The following CALHM3 variants were observed in gnomAD, a reference collection of about 807,000 sequenced individuals.
The protein encoded by CALHM3 is calcium homeostasis modulator 3.
A neutral mutation model predicts 13.6 loss-of-function variants in CALHM3; 9 were observed. The observed-to-expected ratio is 0.66, with a 90% confidence interval of 0.40 to 1.15. The LOEUF is 1.15. Among genes scored for constraint, CALHM3 ranks in the 50% most tolerant of loss-of-function variants. The pLI, the probability that CALHM3 is intolerant of heterozygous loss-of-function variation, is 0.01. For missense variants in CALHM3, 497 were observed against 463.4 expected (o/e 1.07, Z -0.67); for synonymous variants, 231 against 213.2 (o/e 1.08, Z -0.73).
intron 2 of CALHM3, among the ~76,000 whole-genome samples, chr10:103,474,776 C>T (rs1241204026): frequency 6.6e-6 from 1 of 152,118 alleles, no homozygotes; most frequent in Non-Finnish European, 1.5e-5. Flanking sequence ...TTTATCCAGT[C>T]CTTTGTCATC....
chr10:103,473,734 G>A (rs2033357325), intron 2 of CALHM3, 30 bp from the exon 3 acceptor site: 3 of 1,526,344 alleles, frequency 2.0e-6, no homozygotes, highest in South Asian at 1.2e-5. Flanking sequence ...GAGGTTAGAT[G>A]TGAGTGGGGC....
In CALHM3 at chr10:103,476,475, C is replaced by G; in HGVS notation, c.362G>C (p.Gly121Ala). ...LVWILLALLD[G>A]KCFVCAFSSS... ...GCTGAAGGCACACACGAAGCACTTC[C>G]CGTCAAGGAGGGCCAGCAGGATCCA... Residue 121 changes from glycine (G) to alanine (A), a missense_variant, in exon 2 of 3, where the codon GGG (glycine) becomes GCG (alanine). By Grantham distance (60) the Gly-to-Ala change is moderately conservative (BLOSUM62 0). Coordinates refer to ENST00000369783, the MANE Select transcript of CALHM3 (RefSeq NM_001129742.2). 1 of 1,551,644 alleles carries G rather than the reference C, an allele frequency of 6.4e-7. No homozygotes were observed. Among genetic ancestry groups the G allele is most frequent in the Non-Finnish European group, 8.7e-7 (1 of 1,146,970 alleles).
At chr10:103,474,466 T>C (rs1158421996) in intron 2 of CALHM3, among the ~76,000 whole-genome samples, 1 of 151,502 alleles carries the variant, frequency 6.6e-6, no homozygotes, top group African/African-American at 2.4e-5. Context: ...TATTTATTTA[T>C]ATTTTTTGAG....
In CALHM3 at chr10:103,473,150, C is replaced by A. The variant is rs2033341115; in HGVS notation, c.*63G>T. 1 of 1,287,912 alleles carries A rather than the reference C, an allele frequency of 7.8e-7. No individual in the cohort carries two copies. Among genetic ancestry groups the A allele is most frequent in the Non-Finnish European group, 9.9e-7 (1 of 1,012,594 alleles). 79.8% of individuals were successfully genotyped at this position (1,287,912 alleles called of 1,614,324 possible). On this transcript the variant is annotated 3_prime_UTR_variant, in exon 3 of 3. Coordinates refer to ENST00000369783, the MANE Select transcript of CALHM3 (RefSeq NM_001129742.2). ...GGGGTCCCCACGGCCTGGAAAGACT[C>A]CAGAACTTTGTCAGCGCGGCATTTC...
intron 2 of CALHM3, among the ~76,000 whole-genome samples, chr10:103,474,151 C>T (rs532003114): frequency 2.5e-4 from 38 of 152,324 alleles, no homozygotes; most frequent in African/African-American, 8.4e-4. Flanking sequence ...ATTCAGTCAT[C>T]CGTCCTGCCA....
At position 103,476,505 on chromosome 10, in the gene CALHM3, A is replaced by AG; in HGVS notation, c.331dup (p.Leu111ProfsTer10). 2 of 1,551,580 alleles carry AG rather than the reference A, an allele frequency of 1.3e-6. No homozygotes were observed. Among genetic ancestry groups the AG allele is most frequent in the Non-Finnish European group, 1.7e-6 (2 of 1,146,990 alleles). On this transcript the variant is annotated frameshift_variant, in exon 2 of 3. Coordinates refer to ENST00000369783, the MANE Select transcript of CALHM3 (RefSeq NM_001129742.2). LOFTEE classifies it high-confidence loss of function. ...AAGGAGGGCCAGCAGGATCCAGACC[A>AG]GGGGGGCGGCCAGCGCCCTCTGCAG...
intron 1 of CALHM3, 79 bp downstream of exon 1, chr10:103,478,667 G>A: frequency 3.7e-6 from 5 of 1,368,350 alleles, no homozygotes; most frequent in South Asian, 1.5e-5. Flanking sequence ...GGGTCTGGGG[G>A]TGCACTTGAC....
chr10:103,478,960 G>A lies in CALHM3; in HGVS notation c.73C>T (p.Leu25=). 1 of 1,551,740 alleles carries A rather than the reference G, an allele frequency of 6.4e-7. No individual in the cohort carries two copies. The highest frequency in any genetic ancestry group is 1.4e-5 in the African/African-American group (1 of 73,192). The change falls in exon 1 of 3, where the codon CTG becomes TTG. Residue 25 remains leucine, a synonymous_variant. Coordinates refer to ENST00000369783, the MANE Select transcript of CALHM3 (RefSeq NM_001129742.2). ...AGCTTGACGGTGACCGCAGCCAGCA[G>A]CAGGCAGATGCCATTCATCACCGAC... is the stretch of plus-strand genomic sequence containing the variant. ...SESVMNGICL[L]LAAVTVKLYS...
At chr10:103,477,877 C>G (rs922617571) in intron 1 of CALHM3, among the ~76,000 whole-genome samples, 2 of 152,096 alleles carry the variant, frequency 1.3e-5, no homozygotes, top group Non-Finnish European at 2.9e-5. Flanking sequence ...CTGGCCCCCC[C>G]ACCCAATCTC....
chr10:103,475,857 G>A (rs1180264672), intron 2 of CALHM3, among the ~76,000 whole-genome samples: 1 of 152,160 alleles, frequency 6.6e-6, no homozygotes, highest in African/African-American at 2.4e-5. Flanking sequence ...GGGAAGATCA[G>A]CATCTGGAGA....
chr10:103,475,560 G>A (rs2033378518), intron 2 of CALHM3, among the ~76,000 whole-genome samples: 1 of 152,186 alleles, frequency 6.6e-6, no homozygotes, highest in African/African-American at 2.4e-5. Flanking sequence ...TAGTCCCATG[G>A]CCACGGTCAC....
At chr10:103,477,552 A>G (rs549975218) in intron 1 of CALHM3, among the ~76,000 whole-genome samples, 48 of 152,252 alleles carry the variant, frequency 3.2e-4, no homozygotes, top group African/African-American at 1.2e-3. Flanking sequence ...TGTTCTAGGC[A>G]GTGGTGGCTT....
In CALHM3 at chr10:103,473,169, G is replaced by A; in HGVS notation, c.*44C>T. ...AAGACTCCAGAACTTTGTCAGCGCG[G>A]CATTTCACCTGCGAACACTGCCGCT... On this transcript the variant is annotated 3_prime_UTR_variant, in exon 3 of 3. Transcript: ENST00000369783. 7.7e-7 allele frequency: 1 copy of A among 1,306,130 alleles called. No individual in the cohort carries two copies. Among genetic ancestry groups the A allele is most frequent in the Non-Finnish European group, 9.8e-7 (1 of 1,022,590 alleles). 80.9% of individuals were successfully genotyped at this position (1,306,130 alleles called of 1,614,324 possible).
Position 103,479,102 on chromosome 10 carries a change from T to A in CALHM3, c.-70A>T. ...AGGCTCTGGCCACCTTCCTGGTGTCTGCTGTGCTGGGGACGAGCCTGGGAT... is the reference window on the plus strand; with the variant it reads ...AGGCTCTGGCCACCTTCCTGGTGTCAGCTGTGCTGGGGACGAGCCTGGGAT... On this transcript the variant is annotated 5_prime_UTR_variant, in exon 1 of 3. Coordinates refer to ENST00000369783, the MANE Select transcript of CALHM3 (RefSeq NM_001129742.2). 6.8e-7 allele frequency: 1 copy of A among 1,470,388 alleles called. No homozygotes were observed. Among genetic ancestry groups the A allele is most frequent in the Non-Finnish European group, 9.1e-7 (1 of 1,095,576 alleles). 91.1% of individuals were successfully genotyped at this position (1,470,388 alleles called of 1,614,324 possible). A position where few individuals can be genotyped will look rare whatever the true frequency, so the allele number is the denominator to read the frequency against.
At chr10:103,475,277 T>G (rs942320377) in intron 2 of CALHM3, among the ~76,000 whole-genome samples, 1 of 152,154 alleles carries the variant, frequency 6.6e-6, no homozygotes, top group African/African-American at 2.4e-5. Context: ...TTTATAAAGC[T>G]CTCTCATTTG....
Position 103,473,095 on chromosome 10 carries a change from G to C in CALHM3, c.*118C>G, listed in dbSNP as rs2033340291. ...GCAGAGATTGGGCTACTTTAAAAAG[G>C]AGGCTAACAAGACTTAGGGTGCCTG... On this transcript the variant is annotated 3_prime_UTR_variant, in exon 3 of 3. Transcript: ENST00000369783. 9.1e-7 allele frequency: 1 copy of C among 1,100,714 alleles called. No homozygotes were observed. 68.2% of individuals were successfully genotyped at this position (1,100,714 alleles called of 1,614,324 possible).
intron 2 of CALHM3, among the ~76,000 whole-genome samples, chr10:103,475,156 G>A (rs1198611204): frequency 2.6e-5 from 4 of 152,172 alleles, no homozygotes; most frequent in South Asian, 2.1e-4. Flanking sequence ...GTCTCTTTAA[G>A]GCCCAGCTTG....
intron 2 of CALHM3, among the ~76,000 whole-genome samples, chr10:103,476,021 C>T (rs1444644378): frequency 1.3e-5 from 2 of 152,188 alleles, no homozygotes; most frequent in Non-Finnish European, 2.9e-5. Flanking sequence ...GGTTGTTCCA[C>T]AAAGTAAATG....
At position 103,476,346 on chromosome 10, in the gene CALHM3, C is replaced by T; in HGVS notation, c.491G>A (p.Arg164Lys). 6.4e-7 allele frequency: 1 copy of T among 1,551,690 alleles called. No individual in the cohort carries two copies. The highest frequency in any genetic ancestry group is 8.7e-7 in the Non-Finnish European group (1 of 1,147,010). ...KVPCKEDELV[R>K]DSPARKAVSR... ...CACTGCCTTCCGAGCAGGGCTATCC[C>T]TGACCAGCTCATCCTCCTTGCAGGG... The change falls in exon 2 of 3, where the codon AGG becomes AAG. Residue 164 changes from arginine to lysine, a missense_variant. Arg to Lys is a conservative substitution (Grantham distance 26). Transcript: ENST00000369783.
Sources: allele counts gnomAD v4.1 joint callset (sites outside exome capture counted in the v4.1 genomes callset), GRCh38; gene constraint gnomAD v4.1.1; transcripts MANE v1.5; gene names NCBI Gene and HGNC (gene_info 2026-07-23, HGNC 2026-07-21).